Variants in RALYL observed in about 807,000 individuals in gnomAD.
The protein encoded by RALYL is RALY RNA binding protein like.
RALYL carries 29 observed loss-of-function variants against 35.1 expected under a neutral mutation model. That is an observed-to-expected ratio of 0.83 (90% CI 0.61 to 1.13). The LOEUF (loss-of-function observed/expected upper bound fraction) is 1.13. RALYL is among the 50% of genes most tolerant of loss of function. The probability of loss-of-function intolerance (pLI) is 0.00; values close to 1 mark genes in which losing one functional copy is unlikely to be tolerated. For synonymous variants in RALYL, 120 were observed against 127.6 expected (o/e 0.94, Z 0.40); for missense variants, 359 against 360.4 (o/e 1.00, Z 0.03).
chr8:84,187,131 G>A (rs913595493), intron 1 of RALYL, among the ~76,000 whole-genome samples: 2 of 152,084 alleles, frequency 1.3e-5, no homozygotes, highest in African/African-American at 4.8e-5. Flanking sequence ...AATTAAATTG[G>A]CATTGGATCA....
At chr8:84,535,650 T>C (rs556599785) in intron 2 of RALYL, among the ~76,000 whole-genome samples, 115 of 73,634 alleles carry the variant, frequency 1.6e-3, no homozygotes, top group East Asian at 3.9e-3. Context: ...ATTTTTTGTA[T>C]TTTTAGTAGA....
chr8:84,310,546 A>G (rs1357002469), intron 1 of RALYL, among the ~76,000 whole-genome samples: 5 of 152,120 alleles, frequency 3.3e-5, no homozygotes, highest in Non-Finnish European at 5.9e-5. Flanking sequence ...GAAAGGGATT[A>G]AAGGCAGGAA....
At chr8:84,699,023 T>C (rs939753111) in intron 2 of RALYL, among the ~76,000 whole-genome samples, 1 of 151,336 alleles carries the variant, frequency 6.6e-6, no homozygotes, top group Non-Finnish European at 1.5e-5. Context: ...GATAGATAGA[T>C]AGATAGATAG....
chr8:84,698,997 G>C (rs1839689982), intron 2 of RALYL, among the ~76,000 whole-genome samples: 1 of 140,406 alleles, frequency 7.1e-6, no homozygotes, highest in African/African-American at 2.7e-5. Context: ...TTTTAAGATA[G>C]GTAGGTACAT....
chr8:84,844,749 G>T lies in RALYL; in HGVS notation c.366-5231G>T, dbSNP rs559144915. 2.6e-5 allele frequency among the ~76,000 whole-genome samples: 4 copies of T among 152,304 alleles called. No individual in the cohort carries two copies. The South Asian group carries it at 8.3e-4, about 32-fold the overall frequency. On this transcript the variant is annotated intron_variant, in intron 4 of 8. Coordinates refer to ENST00000521268, the MANE Select transcript of RALYL (RefSeq NM_173848.7). ...GTCCAACAATGATAGAGTGGATTAA[G>T]AAAATGTGGCACATATACAGCATGG...
chr8:84,596,981 A>G (rs534649365), intron 2 of RALYL, among the ~76,000 whole-genome samples: 5 of 152,234 alleles, frequency 3.3e-5, no homozygotes, highest in African/African-American at 1.2e-4. Context: ...GACAAAAAAA[A>G]TGATAGTTGA....
chr8:84,849,207 A>G (rs1465240465), intron 4 of RALYL, among the ~76,000 whole-genome samples: 2 of 152,224 alleles, frequency 1.3e-5, no homozygotes, highest in African/African-American at 4.8e-5. Context: ...AAATGCATTT[A>G]CTAATTCATA....
chr8:84,857,823 G>A (rs143712225), intron 5 of RALYL, among the ~76,000 whole-genome samples: 1,849 of 152,190 alleles, frequency 0.012, 42 homozygotes, highest in African/African-American at 0.042. Context: ...TTGTTCTGGG[G>A]TCTGAGACTT....
At chr8:84,687,933 G>C (rs1837173159) in intron 2 of RALYL, among the ~76,000 whole-genome samples, 1 of 151,504 alleles carries the variant, frequency 6.6e-6, no homozygotes, top group Non-Finnish European at 1.5e-5. Context: ...TTCATTTTTT[G>C]GGCACTTTAC....
chr8:84,455,239 T>A (rs1030245039), intron 1 of RALYL, among the ~76,000 whole-genome samples: 5 of 151,916 alleles, frequency 3.3e-5, no homozygotes, highest in African/African-American at 1.2e-4. Context: ...AACCCTTTTT[T>A]AAAAAAATTG....
chr8:84,183,937 A>G lies in RALYL; in HGVS notation c.-511A>G, dbSNP rs942836543. 2.0e-5 allele frequency: 3 copies of G among 152,122 alleles called. No individual in the cohort carries two copies. The highest frequency in any genetic ancestry group is 3.9e-4 in the East Asian group (2 of 5,160). The allele number at this position is 152,122 out of a possible 1,614,324, so 9.4% of individuals were successfully genotyped here. A position where few individuals can be genotyped will look rare whatever the true frequency, so the allele number is the denominator to read the frequency against. On this transcript the variant is annotated 5_prime_UTR_variant, in exon 1 of 9. Coordinates refer to ENST00000521268, the MANE Select transcript of RALYL (RefSeq NM_173848.7). ...AGCATGTTTCTAACTCTTTTTTTGC[A>G]TACTCTTTTTCTGATAACATTTTTG...
chr8:84,600,319 G>A (rs1296799638), intron 2 of RALYL, among the ~76,000 whole-genome samples: 1 of 151,984 alleles, frequency 6.6e-6, no homozygotes, highest in Non-Finnish European at 1.5e-5. Context: ...CTAAGGTGAA[G>A]CATTTGGTTC....
At chr8:84,667,876 T>A (rs577029642) in intron 2 of RALYL, among the ~76,000 whole-genome samples, 1 of 152,240 alleles carries the variant, frequency 6.6e-6, no homozygotes, top group African/African-American at 2.4e-5. Flanking sequence ...TACCTGGAGT[T>A]ATATAACCTA....
intron 1 of RALYL, among the ~76,000 whole-genome samples, chr8:84,387,725 C>A (rs1017921581): frequency 6.6e-6 from 1 of 151,764 alleles, no homozygotes; most frequent in Non-Finnish European, 1.5e-5. Flanking sequence ...TCAGCTCCAG[C>A]TCTCAGCAGC....
chr8:84,668,497 G>A (rs1017203521), intron 2 of RALYL, among the ~76,000 whole-genome samples: 5 of 152,074 alleles, frequency 3.3e-5, no homozygotes, highest in African/African-American at 9.7e-5. Context: ...GTAGATCCAG[G>A]TGGTTAGAGT....
rs534375067 is a variant in RALYL, at chr8:84,700,425, A to T, written c.257-74154A>T. 1.4e-4 allele frequency among the ~76,000 whole-genome samples: 21 copies of T among 152,060 alleles called. No individual in the cohort carries two copies. In the South Asian group the frequency reaches 1.7e-3, roughly 12 times the overall value. ...TAATAATAAAACCCAATTATAGTTT[A>T]AAAAAAATGAAAGTCTCTTCCAGAT... On this transcript the variant is annotated intron_variant, in intron 2 of 8. Coordinates refer to ENST00000521268, the MANE Select transcript of RALYL (RefSeq NM_173848.7).
chr8:84,856,799 C>T (rs915658571), intron 5 of RALYL, among the ~76,000 whole-genome samples: 1 of 151,672 alleles, frequency 6.6e-6, no homozygotes, highest in Admixed American at 6.6e-5. Flanking sequence ...GAGGCCGAGG[C>T]GGGTGGATCA....
At chr8:84,880,042 T>C (rs986552677) in intron 7 of RALYL, among the ~76,000 whole-genome samples, 1 of 152,084 alleles carries the variant, frequency 6.6e-6, no homozygotes, top group South Asian at 2.1e-4. Flanking sequence ...TGGAAAAGTA[T>C]TGGGGGATGT....
chr8:84,525,640 T>C (rs2058822782), intron 1 of RALYL, among the ~76,000 whole-genome samples: 1 of 152,168 alleles, frequency 6.6e-6, no homozygotes, highest in African/African-American at 2.4e-5. Flanking sequence ...AAATATTAAC[T>C]CACTGAGGCT....
Sources: gnomAD v4.1 joint callset for allele counts (sites outside exome capture counted in the v4.1 genomes callset) on GRCh38, gnomAD v4.1.1 for gene constraint, MANE v1.5 for transcripts, NCBI Gene and HGNC (gene_info 2026-07-23, HGNC 2026-07-21) for gene names.